The following TRPM3 variants were observed in gnomAD, a reference collection of about 807,000 sequenced individuals.
The protein encoded by TRPM3 is transient receptor potential cation channel subfamily M member 3.
A neutral mutation model predicts 181.2 loss-of-function variants in TRPM3; 77 were observed. That is an observed-to-expected ratio of 0.42 (90% CI 0.35 to 0.51). The LOEUF is 0.51. Ranked by LOEUF, TRPM3 falls within the 20% of genes least tolerant of loss-of-function variation. The probability of loss-of-function intolerance (pLI) is 0.01; values close to 1 mark genes in which losing one functional copy is unlikely to be tolerated. For synonymous variants in TRPM3, 745 were observed against 796.4 expected (o/e 0.94, Z 1.09); for missense variants, 1,759 against 2,196.7 (o/e 0.80, Z 3.98).
At chr9:71,322,079 T>G (rs1240874061) in intron 1 of TRPM3, among the ~76,000 whole-genome samples, 1 of 152,136 alleles carries the variant, frequency 6.6e-6, no homozygotes, top group Non-Finnish European at 1.5e-5. Context: ...GACAGAACTT[T>G]TGACTCACAG....
At chr9:71,312,092 T>A (rs1265535789) in intron 1 of TRPM3, among the ~76,000 whole-genome samples, 3 of 152,130 alleles carry the variant, frequency 2.0e-5, no homozygotes, top group African/African-American at 7.2e-5. Flanking sequence ...ATTTAAAACT[T>A]CTTCTCTGTG....
intron 1 of TRPM3, among the ~76,000 whole-genome samples, chr9:71,082,108 ATTTAG>A (rs2064453861): frequency 1.4e-5 from 2 of 145,416 alleles, no homozygotes; most frequent in African/African-American, 4.9e-5. Context: ...TAAAATATCA[ATTTAG>A]TTAAGTGTGT....
intron 1 of TRPM3, among the ~76,000 whole-genome samples, chr9:71,436,953 A>G (rs2094050568): frequency 6.6e-6 from 1 of 152,236 alleles, no homozygotes; most frequent in Admixed American, 6.5e-5. Flanking sequence ...ATAGTTTGAC[A>G]ATATATTTTT....
chr9:71,415,465 T>A (rs910726315), intron 1 of TRPM3, among the ~76,000 whole-genome samples: 1 of 152,022 alleles, frequency 6.6e-6, no homozygotes, highest in Non-Finnish European at 1.5e-5. Context: ...CTAGATCTGA[T>A]AAAAATAACC....
At chr9:70,955,557 G>A (rs2097059012) in intron 1 of TRPM3, among the ~76,000 whole-genome samples, 1 of 152,062 alleles carries the variant, frequency 6.6e-6, no homozygotes, top group Admixed American at 6.6e-5. Context: ...TATTTTACAG[G>A]TAGGGAATTT....
At chr9:71,181,104 T>C (rs912256743) in intron 1 of TRPM3, among the ~76,000 whole-genome samples, 3 of 152,128 alleles carry the variant, frequency 2.0e-5, no homozygotes, top group African/African-American at 7.2e-5. Context: ...ATAATTTAAC[T>C]AGGCCTTTAA....
intron 1 of TRPM3, among the ~76,000 whole-genome samples, chr9:71,377,167 C>T (rs922242480): frequency 3.9e-5 from 6 of 152,174 alleles, no homozygotes; most frequent in African/African-American, 7.2e-5. Flanking sequence ...CACTGCTTCA[C>T]GTAGATAGAA....
At chr9:71,341,767 A>G (rs529223175) in intron 1 of TRPM3, among the ~76,000 whole-genome samples, 3 of 152,128 alleles carry the variant, frequency 2.0e-5, no homozygotes, top group Admixed American at 2.0e-4. Flanking sequence ...AGTTTTGATA[A>G]TTTTCCTATG....
At chr9:71,303,346 G>A (rs561221564) in intron 1 of TRPM3, among the ~76,000 whole-genome samples, 33 of 152,310 alleles carry the variant, frequency 2.2e-4, no homozygotes, top group African/African-American at 7.2e-4. Flanking sequence ...AGAAAACAAA[G>A]TTAAATATCT....
At chr9:70,758,561 C>A (rs1009883197) in intron 8 of TRPM3, among the ~76,000 whole-genome samples, 2 of 152,132 alleles carry the variant, frequency 1.3e-5, no homozygotes, top group Non-Finnish European at 2.9e-5. Flanking sequence ...GGAGGCATCA[C>A]GCTACCTGGC....
At chr9:71,039,784 G>C in intron 1 of TRPM3, among the ~76,000 whole-genome samples, 1 of 151,984 alleles carries the variant, frequency 6.6e-6, no homozygotes, top group Non-Finnish European at 1.5e-5. Flanking sequence ...GGGTGACTTT[G>C]GACTATAATT....
intron 25 of TRPM3, among the ~76,000 whole-genome samples, chr9:70,538,873 A>C (rs2042503874): frequency 6.6e-6 from 1 of 152,266 alleles, no homozygotes; most frequent in African/African-American, 2.4e-5. Flanking sequence ...CAGAGGCCAC[A>C]TATTAAAAAT....
At chr9:70,694,489 C>CT (rs567294198) in intron 8 of TRPM3, among the ~76,000 whole-genome samples, 57 of 151,312 alleles carry the variant, frequency 3.8e-4, no homozygotes, top group Non-Finnish European at 5.6e-4. Flanking sequence ...ATATGAAAAT[C>CT]TTTTTTTTTG....
chr9:70,742,211 G>A lies in TRPM3; in HGVS notation c.1272+19390C>T, dbSNP rs993555281. 3.3e-5 allele frequency among the ~76,000 whole-genome samples: 5 copies of A among 151,896 alleles called. No individual in the cohort carries two copies. The East Asian group carries it at 7.7e-4, about 23-fold the overall frequency. On this transcript the variant is annotated intron_variant, in intron 8 of 25. Transcript: ENST00000677713. ...CAATATCTCAATTATATACAAATTAGTATAGAAAAAATGGAAAATGCACCA... is the reference window on the plus strand; with the variant it reads ...CAATATCTCAATTATATACAAATTAATATAGAAAAAATGGAAAATGCACCA...
chr9:70,786,667 T>A (rs528728231), intron 6 of TRPM3, among the ~76,000 whole-genome samples: 1 of 152,342 alleles, frequency 6.6e-6, no homozygotes, highest in Admixed American at 6.5e-5. Flanking sequence ...ATGAAGTATT[T>A]CCCAAAGTAT....
intron 1 of TRPM3, among the ~76,000 whole-genome samples, chr9:71,443,084 C>T (rs2094155423): frequency 6.6e-6 from 1 of 152,104 alleles, no homozygotes; most frequent in South Asian, 2.1e-4. Flanking sequence ...TATACAACAT[C>T]TTTACATTTA....
chr9:70,536,514 A>G lies in TRPM3; in HGVS notation c.4599T>C (p.His1533=), dbSNP rs575820314. The G allele has an allele frequency of 3.5e-5, 57 of 1,614,132 alleles. 1 individual carries two copies. In the South Asian group the frequency reaches 5.9e-4, roughly 17 times the overall value. ...TCCTTGAGGGGGAAAACATAAAGCTATGAGATTTCACAATGGGAGCCTCTT... is the reference window on the plus strand; with the variant it reads ...TCCTTGAGGGGGAAAACATAAAGCTGTGAGATTTCACAATGGGAGCCTCTT... ...LLEEAPIVKS[H]SFMFSPSRSY... The change falls in exon 26 of 26, where the codon CAT becomes CAC. Residue 1533 remains histidine (H), a synonymous_variant. Coordinates refer to ENST00000677713, the MANE Select transcript of TRPM3 (RefSeq NM_001366145.2).
chr9:71,110,632 T>G (rs1358874080), intron 1 of TRPM3, among the ~76,000 whole-genome samples: 1 of 152,134 alleles, frequency 6.6e-6, no homozygotes, highest in Non-Finnish European at 1.5e-5. Context: ...CCTACCCTGA[T>G]CTAACCTTAT....
At chr9:70,575,668 G>A (rs1053248069) in intron 22 of TRPM3, among the ~76,000 whole-genome samples, 1 of 152,174 alleles carries the variant, frequency 6.6e-6, no homozygotes, top group Non-Finnish European at 1.5e-5. Flanking sequence ...TCTTGTGTGA[G>A]AGGAACACCA....
Sources: allele counts gnomAD v4.1 joint callset (sites outside exome capture counted in the v4.1 genomes callset), GRCh38; gene constraint gnomAD v4.1.1; transcripts MANE v1.5; gene names NCBI Gene and HGNC (gene_info 2026-07-23, HGNC 2026-07-21).